The following DGLUCY variants were observed in gnomAD, a reference collection of about 807,000 sequenced individuals.
DGLUCY encodes the protein D-glutamate cyclase, mitochondrial.
A neutral mutation model predicts 58.5 loss-of-function variants in DGLUCY; 58 were observed. That is an observed-to-expected ratio of 0.99 (90% CI 0.80 to 1.23). The LOEUF (loss-of-function observed/expected upper bound fraction) is 1.23, where lower values mean the gene tolerates loss of function less well. Among genes scored for constraint, DGLUCY ranks in the 50% most tolerant of loss-of-function variants. DGLUCY has a pLI of 0.00. For missense variants in DGLUCY, 779 were observed against 784.7 expected, an observed-to-expected ratio of 0.99 and a Z score of 0.09; for synonymous variants, 325 against 314.1, an observed-to-expected ratio of 1.03 and a Z score of -0.37.
intron 1 of DGLUCY, chr14:91,114,761 C>T (rs867495209): frequency 6.6e-6 from 1 of 152,258 alleles, no homozygotes; most frequent in Non-Finnish European, 1.5e-5. Flanking sequence ...CCTGCAGGGC[C>T]CAAAGGTCCC....
At chr14:91,081,827 A>G (rs1244536841) in intron 1 of DGLUCY, among the ~76,000 whole-genome samples, 1 of 150,788 alleles carries the variant, frequency 6.6e-6, no homozygotes, top group Non-Finnish European at 1.5e-5. Context: ...TGCAACCTCC[A>G]CCTCCCATGT....
intron 12 of DGLUCY, among the ~76,000 whole-genome samples, chr14:91,211,392 C>T (rs150449716): frequency 1.3e-5 from 2 of 152,236 alleles, no homozygotes; most frequent in African/African-American, 2.4e-5. Context: ...TGAAAAAGAA[C>T]GAGATCAGAG....
chr14:91,127,353 C>A (rs147338430), intron 1 of DGLUCY, among the ~76,000 whole-genome samples: 12 of 152,320 alleles, frequency 7.9e-5, no homozygotes, highest in Admixed American at 5.2e-4. Context: ...CATGCCAGGA[C>A]CTTAGTCCAT....
chr14:91,120,359 C>T (rs1422834065), intron 1 of DGLUCY, among the ~76,000 whole-genome samples: 4 of 152,104 alleles, frequency 2.6e-5, no homozygotes, highest in Admixed American at 1.3e-4. Context: ...ATGAATGGCA[C>T]AGTTAGCTAG....
intron 1 of DGLUCY, among the ~76,000 whole-genome samples, chr14:91,088,497 T>C (rs530766206): frequency 1.1e-4 from 17 of 152,152 alleles, no homozygotes; most frequent in Non-Finnish European, 2.9e-5. Context: ...AGCCGATGAG[T>C]CCCCCTCAGT....
chr14:91,207,829 C>T (rs1033718043), intron 12 of DGLUCY, among the ~76,000 whole-genome samples: 1 of 152,134 alleles, frequency 6.6e-6, no homozygotes, highest in African/African-American at 2.4e-5. Context: ...TCGCCACAGC[C>T]TCCTCCTCCC....
intron 1 of DGLUCY, among the ~76,000 whole-genome samples, chr14:91,123,346 C>T (rs1480797456): frequency 3.9e-5 from 6 of 152,144 alleles, no homozygotes; most frequent in Admixed American, 1.3e-4. Context: ...TTGATATTAG[C>T]GCACATCTTG....
intron 6 of DGLUCY, among the ~76,000 whole-genome samples, chr14:91,174,111 C>G (rs1469956014): frequency 1.3e-5 from 2 of 151,936 alleles, no homozygotes; most frequent in African/African-American, 4.8e-5. Context: ...ATCAATCATG[C>G]TCATGTAATG....
intron 1 of DGLUCY, among the ~76,000 whole-genome samples, chr14:91,072,075 C>T (rs2043930981): frequency 6.6e-6 from 1 of 152,102 alleles, no homozygotes; most frequent in South Asian, 2.1e-4. Flanking sequence ...ACAATCCCAG[C>T]ACTTTAGGAG....
chr14:91,079,789 A>G (rs189078412), intron 1 of DGLUCY, among the ~76,000 whole-genome samples: 2 of 152,350 alleles, frequency 1.3e-5, no homozygotes, highest in Non-Finnish European at 2.9e-5. Context: ...GAATGCTTTT[A>G]TGGCTGTTAA....
intron 13 of DGLUCY, chr14:91,220,459 G>A (rs759495214): frequency 8.8e-6 from 4 of 456,270 alleles, no homozygotes; most frequent in Admixed American, 7.0e-5. Context: ...TGGGGCAGGT[G>A]TCAGGGTGTC....
upstream of DGLUCY, among the ~76,000 whole-genome samples, chr14:91,103,711 C>T (rs913054762): frequency 1.3e-5 from 2 of 152,068 alleles, no homozygotes; most frequent in East Asian, 1.9e-4. Context: ...AATCAGCAAA[C>T]GTTCACTCTC....
At chr14:91,136,508 A>AC (rs769976787) in intron 1 of DGLUCY, among the ~76,000 whole-genome samples, 7 of 137,482 alleles carry the variant, frequency 5.1e-5, no homozygotes, top group Non-Finnish European at 9.5e-5. Flanking sequence ...CATGGTGAAA[A>AC]CCCCTTGTCT....
At chr14:91,070,024 C>T (rs926937389) in intron 1 of DGLUCY, among the ~76,000 whole-genome samples, 3 of 151,858 alleles carry the variant, frequency 2.0e-5, no homozygotes, top group Non-Finnish European at 2.9e-5. Flanking sequence ...GAAAAAAAAT[C>T]GACTTTAGTA....
intron 13 of DGLUCY, 92 bp from the exon 14 acceptor site, chr14:91,224,592 G>C: frequency 7.5e-7 from 1 of 1,337,490 alleles, no homozygotes; most frequent in Non-Finnish European, 9.9e-7. Context: ...GTATGTCAAG[G>C]CAAAGGATCC....
At chr14:91,180,514 G>C (rs1350005854) in intron 7 of DGLUCY, among the ~76,000 whole-genome samples, 2 of 150,076 alleles carry the variant, frequency 1.3e-5, no homozygotes, top group Non-Finnish European at 3.0e-5. Context: ...AGAGGTTGCA[G>C]TGAGCCAAGA....
rs150235234 is a variant in DGLUCY, at chr14:91,224,695, G to A, written c.1728G>A (p.Met576Ile). ...CTATTTTTTTCCAGGAAGAAAAAATGCTGGGCATCTTGGTGCAGCACAAAG... is the reference window on the plus strand; with the variant it reads ...CTATTTTTTTCCAGGAAGAAAAAATACTGGGCATCTTGGTGCAGCACAAAG... ...ALPSVIKEEK[M>I]LGILVQHKVR... Residue 576 changes from methionine (M) to isoleucine (I), a missense_variant, in exon 14 of 14, where the codon ATG becomes ATA. Coordinates refer to ENST00000256324, the MANE Select transcript of DGLUCY (RefSeq NM_001102368.3). 127 of 1,596,554 alleles carry A rather than the reference G, an allele frequency of 8.0e-5. No homozygotes were observed. The highest frequency in any genetic ancestry group is 1.1e-4 in the Non-Finnish European group (127 of 1,167,108).
At chr14:91,131,081 C>G (rs2046000618) in intron 1 of DGLUCY, among the ~76,000 whole-genome samples, 1 of 152,110 alleles carries the variant, frequency 6.6e-6, no homozygotes, top group Non-Finnish European at 1.5e-5. Flanking sequence ...TCCCAAGTAG[C>G]TGGGATTACA....
intron 8 of DGLUCY, among the ~76,000 whole-genome samples, chr14:91,188,222 T>A (rs1366756872): frequency 1.3e-5 from 2 of 152,142 alleles, no homozygotes; most frequent in Non-Finnish European, 2.9e-5. Context: ...AGGTTCTGGC[T>A]GTCAATACTC....
Sources: allele counts gnomAD v4.1 joint callset (sites outside exome capture counted in the v4.1 genomes callset), GRCh38; gene constraint gnomAD v4.1.1; transcripts MANE v1.5; gene names NCBI Gene and HGNC (gene_info 2026-07-23, HGNC 2026-07-21).